DDAH1: variants seen among roughly 807,000 people sequenced by gnomAD.
DDAH1 encodes the protein dimethylarginine dimethylaminohydrolase 1, also known as N(G),N(G)-dimethylarginine dimethylaminohydrolase 1.
In DDAH1, 19 loss-of-function variants were observed where a neutral mutation model predicts 28.8. The ratio of observed to expected loss-of-function variants is 0.66; its 90% CI spans 0.46 to 0.97. DDAH1 has a LOEUF of 0.97. Among genes scored for constraint, DDAH1 ranks in the 50% least tolerant of loss-of-function variants. The pLI, the probability that DDAH1 is intolerant of heterozygous loss-of-function variation, is 0.00. For missense variants in DDAH1, 326 were observed against 375.9 expected (o/e 0.87, Z 1.10); for synonymous variants, 153 against 154.4 (o/e 0.99, Z 0.07).
At chr1:85,447,296 A>G (rs993047324) in intron 1 of DDAH1, among the ~76,000 whole-genome samples, 2 of 152,222 alleles carry the variant, frequency 1.3e-5, no homozygotes, top group African/African-American at 4.8e-5. Context: ...GCCTGCATCA[A>G]AAAATTAGCA....
At chr1:85,562,348 C>G (rs1659165376) in intron 1 of DDAH1, among the ~76,000 whole-genome samples, 2 of 152,086 alleles carry the variant, frequency 1.3e-5, no homozygotes, top group Non-Finnish European at 2.9e-5. Context: ...TAGTTTACCA[C>G]AAAGACCAGT....
Position 85,563,013 on chromosome 1 carries a change from C to G in DDAH1, c.-123+14971G>C, listed in dbSNP as rs150659057. Among the ~76,000 whole-genome samples, 63 of 152,270 alleles carry G rather than the reference C, an allele frequency of 4.1e-4. 1 individual carries two copies. Among genetic ancestry groups the G allele is most frequent in the African/African-American group, 1.4e-3 (59 of 41,536 alleles). Reference sequence around the variant, plus strand: ...TTCAGACATAGGACATCAAACTGCACAGTATAGTGATTGCTTAGAGTGGGG... The same window carrying G: ...TTCAGACATAGGACATCAAACTGCAGAGTATAGTGATTGCTTAGAGTGGGG... On this transcript the variant is annotated intron_variant, in intron 1 of 6. Transcript: ENST00000426972.
At chr1:85,358,060 T>G (rs1029950978) in intron 2 of DDAH1, among the ~76,000 whole-genome samples, 6 of 152,212 alleles carry the variant, frequency 3.9e-5, no homozygotes, top group African/African-American at 1.4e-4. Flanking sequence ...GACACTAATC[T>G]TGAATTATGA....
intron 1 of DDAH1, among the ~76,000 whole-genome samples, chr1:85,551,337 A>G (rs1385836435): frequency 6.6e-6 from 1 of 152,208 alleles, no homozygotes; most frequent in Non-Finnish European, 1.5e-5. Flanking sequence ...ACAGAGCTCT[A>G]CTACTCTGGG....
chr1:85,552,428 G>GC (rs1298025025), intron 1 of DDAH1, among the ~76,000 whole-genome samples: 1 of 152,066 alleles, frequency 6.6e-6, no homozygotes, highest in Non-Finnish European at 1.5e-5. Flanking sequence ...TTTCTACATT[G>GC]CTGTGCCTTT....
intron 1 of DDAH1, among the ~76,000 whole-genome samples, chr1:85,533,637 C>G (rs1490693962): frequency 6.6e-6 from 1 of 152,114 alleles, no homozygotes; most frequent in Non-Finnish European, 1.5e-5. Flanking sequence ...TTAAAAAAAA[C>G]AGAATAAATA....
chr1:85,540,210 A>G (rs980303174), intron 1 of DDAH1, among the ~76,000 whole-genome samples: 10 of 152,170 alleles, frequency 6.6e-5, no homozygotes, highest in African/African-American at 2.4e-4. Context: ...AATCTTTCCA[A>G]TATACTATAT....
chr1:85,572,282 A>G (rs900654871), intron 1 of DDAH1, among the ~76,000 whole-genome samples: 25 of 152,216 alleles, frequency 1.6e-4, no homozygotes, highest in African/African-American at 4.8e-4. Context: ...TACTGAAAAC[A>G]CAAGCTAAAG....
At chr1:85,456,390 T>C (rs114079853) in intron 1 of DDAH1, among the ~76,000 whole-genome samples, 4,161 of 152,348 alleles carry the variant, frequency 0.027, 196 homozygotes, top group African/African-American at 0.094. Flanking sequence ...TAATTTATGA[T>C]GGTTCAACTT....
intron 1 of DDAH1, among the ~76,000 whole-genome samples, chr1:85,366,357 A>G (rs1650075934): frequency 6.6e-6 from 1 of 152,288 alleles, no homozygotes; most frequent in East Asian, 1.9e-4. Context: ...ATCTCTTGAA[A>G]CATTTCCCAC....
At position 85,319,264 on chromosome 1, in the gene DDAH1, C is replaced by G. The variant is rs1252953482; in HGVS notation, c.*2188G>C. ...GCAATGTAGAAGAGGCACACAGAGT[C>G]TAAGTGATTTCTCCAGACAAAAGAG... On this transcript the variant is annotated 3_prime_UTR_variant, in exon 6 of 6. Transcript: ENST00000284031. The G allele has an allele frequency of 6.6e-6, 1 of 152,110 alleles. No individual in the cohort carries two copies. The highest frequency in any genetic ancestry group is 1.5e-5 in the Non-Finnish European group (1 of 68,016). The allele number at this position is 152,110 out of a possible 1,614,324, so 9.4% of individuals were successfully genotyped here. A position where few individuals can be genotyped will look rare whatever the true frequency, so the allele number is the denominator to read the frequency against.
intron 1 of DDAH1, among the ~76,000 whole-genome samples, chr1:85,545,838 C>G (rs1416554736): frequency 2.0e-5 from 3 of 152,092 alleles, no homozygotes; most frequent in African/African-American, 7.2e-5. Flanking sequence ...TTGCCTACTT[C>G]TTTCCTTCTG....
rs532939389 is a variant in DDAH1, at chr1:85,431,181, T to C, written c.303+33562A>G. ...GTTTTTGTCATTGGTTCTGTTTATG[T>C]GATGGATTATGTTTACTGATTTGTG... On this transcript the variant is annotated intron_variant, in intron 1 of 5. Coordinates refer to ENST00000284031, the MANE Select transcript of DDAH1 (RefSeq NM_012137.4). Among the ~76,000 whole-genome samples, 57 of 152,312 alleles carry C rather than the reference T, an allele frequency of 3.7e-4. No individual in the cohort carries two copies. In the Middle Eastern group the frequency reaches 0.01, roughly 27 times the overall value.
At chr1:85,577,242 T>TC (rs1272673926) in intron 1 of DDAH1, among the ~76,000 whole-genome samples, 4 of 151,996 alleles carry the variant, frequency 2.6e-5, no homozygotes, top group African/African-American at 9.7e-5. Context: ...GACCGCCCTC[T>TC]CCGCGCGTCG....
At chr1:85,557,886 C>A (rs1659023296) in intron 1 of DDAH1, among the ~76,000 whole-genome samples, 1 of 150,216 alleles carries the variant, frequency 6.7e-6, no homozygotes, top group Non-Finnish European at 1.5e-5. Flanking sequence ...CAGAAGAAAC[C>A]AACTCTGCTG....
rs17127874 is a variant in DDAH1, at chr1:85,551,697, A to T, written c.-123+26287T>A. On this transcript the variant is annotated intron_variant, in intron 1 of 6. Coordinates refer to the DDAH1 transcript ENST00000426972. Reference sequence around the variant, plus strand: ...AATACACATGATGCTAAAATGGGACAGATGTTATGACAGAAGAGAGAACAT... The same window carrying T: ...AATACACATGATGCTAAAATGGGACTGATGTTATGACAGAAGAGAGAACAT... 6.7e-3 allele frequency among the ~76,000 whole-genome samples: 1,019 copies of T among 152,350 alleles called. 4 individuals carry two copies. Among genetic ancestry groups the T allele is most frequent in the Non-Finnish European group, 9.0e-3 (612 of 68,030 alleles).
At chr1:85,576,608 CCA>C in intron 1 of DDAH1, 2 of 152,260 alleles carry the variant, frequency 1.3e-5, no homozygotes, top group African/African-American at 2.4e-5. Flanking sequence ...ATCCCCCCGC[CCA>C]CACACACACA....
At chr1:85,358,633 C>T (rs1372137457) in intron 2 of DDAH1, 115 bp downstream of exon 2, 11 of 774,950 alleles carry the variant, frequency 1.4e-5, no homozygotes, top group Non-Finnish European at 1.8e-5. Context: ...TAGGTGACAG[C>T]GAGACTCTGT....
intron 1 of DDAH1, among the ~76,000 whole-genome samples, chr1:85,402,825 C>T (rs559415808): frequency 6.7e-6 from 1 of 149,202 alleles, no homozygotes; most frequent in East Asian, 2.0e-4. Flanking sequence ...AGGAGAATGG[C>T]GTGAACCCGG....
Sources: gnomAD v4.1 joint callset for allele counts (sites outside exome capture counted in the v4.1 genomes callset) on GRCh38, gnomAD v4.1.1 for gene constraint, MANE v1.5 for transcripts, NCBI Gene and HGNC (gene_info 2026-07-23, HGNC 2026-07-21) for gene names.